GRXCR1: variants seen among roughly 807,000 people sequenced by gnomAD.
The protein encoded by GRXCR1 is glutaredoxin and cysteine rich domain containing 1, also known as glutaredoxin domain-containing cysteine-rich protein 1.
A neutral mutation model predicts 27.3 loss-of-function variants in GRXCR1; 27 were observed. The ratio of observed to expected loss-of-function variants is 0.99; its 90% confidence interval spans 0.73 to 1.37. The LOEUF is 1.37. GRXCR1 is among the 40% of genes most tolerant of loss of function. The pLI, the probability that GRXCR1 is intolerant of heterozygous loss-of-function variation, is 0.00. For missense variants in GRXCR1, 379 were observed against 354.4 expected, an observed-to-expected ratio of 1.07 and a Z score of -0.56; for synonymous variants, 122 against 131.1, an observed-to-expected ratio of 0.93 and a Z score of 0.47.
At chr4:42,987,222 T>TTTATATATTATA (rs1553943894) in intron 2 of GRXCR1, among the ~76,000 whole-genome samples, 21 of 100,594 alleles carry the variant, frequency 2.1e-4, no homozygotes, top group African/African-American at 8.0e-4. Flanking sequence ...TATATATATA[T>TTTATATATTATA]TATATATTAT....
chr4:42,909,347 TA>T (rs1284079689), intron 1 of GRXCR1, among the ~76,000 whole-genome samples: 1 of 152,080 alleles, frequency 6.6e-6, no homozygotes, highest in Non-Finnish European at 1.5e-5. Flanking sequence ...GACTACAAAT[TA>T]AGGCTCCCCC....
intron 1 of GRXCR1, among the ~76,000 whole-genome samples, chr4:42,897,356 T>G (rs914743664): frequency 6.6e-6 from 1 of 152,102 alleles, no homozygotes; most frequent in Non-Finnish European, 1.5e-5. Flanking sequence ...TAGAATATTG[T>G]ACTGTCATTT....
intron 2 of GRXCR1, among the ~76,000 whole-genome samples, chr4:43,000,087 A>G (rs557577137): frequency 6.6e-6 from 1 of 152,356 alleles, no homozygotes; most frequent in Admixed American, 6.5e-5. Flanking sequence ...GTAGTATGAT[A>G]AAATCTTGCA....
chr4:42,966,100 G>A (rs994106190), intron 2 of GRXCR1, among the ~76,000 whole-genome samples: 2 of 152,016 alleles, frequency 1.3e-5, no homozygotes, highest in African/African-American at 4.8e-5. Flanking sequence ...ACTCCACAGT[G>A]GGGGGCAGGG....
intron 1 of GRXCR1, among the ~76,000 whole-genome samples, chr4:42,919,824 A>G (rs116389651): frequency 2.8e-3 from 433 of 152,302 alleles, no homozygotes; most frequent in African/African-American, 9.2e-3. Flanking sequence ...GTAAATTTCT[A>G]TAATATAAAT....
At chr4:42,959,524 CTAA>C (rs1748082589) in intron 1 of GRXCR1, among the ~76,000 whole-genome samples, 1 of 151,640 alleles carries the variant, frequency 6.6e-6, no homozygotes, top group Non-Finnish European at 1.5e-5. Flanking sequence ...TCAAAATTTG[CTAA>C]AAGAATAGGT....
chr4:42,973,474 T>G (rs904993491), intron 2 of GRXCR1, among the ~76,000 whole-genome samples: 1 of 148,252 alleles, frequency 6.7e-6, no homozygotes, highest in South Asian at 2.1e-4. Flanking sequence ...TTGCCGATGT[T>G]TTTTTTTTCT....
intron 2 of GRXCR1, among the ~76,000 whole-genome samples, chr4:43,002,974 A>T (rs10019822): frequency 0.33 from 50,448 of 151,972 alleles, 8,650 homozygotes; most frequent in African/African-American, 0.41. Context: ...GCTATTCTCA[A>T]GATAGTGAGT....
intron 2 of GRXCR1, among the ~76,000 whole-genome samples, chr4:42,969,138 T>C (rs1012477824): frequency 3.3e-5 from 5 of 152,174 alleles, no homozygotes; most frequent in African/African-American, 1.2e-4. Context: ...ATTATAATTA[T>C]ATAAAATAAT....
At chr4:42,985,569 A>G (rs912013455) in intron 2 of GRXCR1, among the ~76,000 whole-genome samples, 1 of 152,086 alleles carries the variant, frequency 6.6e-6, no homozygotes, top group Non-Finnish European at 1.5e-5. Flanking sequence ...TTCTGTTTTT[A>G]TGAGCATAGA....
intron 1 of GRXCR1, among the ~76,000 whole-genome samples, chr4:42,918,501 T>A (rs1346895117): frequency 1.3e-5 from 2 of 152,110 alleles, no homozygotes; most frequent in African/African-American, 4.8e-5. Context: ...GAACATCCAC[T>A]TCTGCTGAAC....
chr4:43,023,759 A>C (rs190072667), intron 3 of GRXCR1, among the ~76,000 whole-genome samples: 1 of 152,360 alleles, frequency 6.6e-6, no homozygotes, highest in Non-Finnish European at 1.5e-5. Context: ...CTGAGGGAAT[A>C]AATAAATGAC....
At chr4:42,936,516 G>A (rs1359279095) in intron 1 of GRXCR1, among the ~76,000 whole-genome samples, 12 of 151,854 alleles carry the variant, frequency 7.9e-5, no homozygotes, top group African/African-American at 1.9e-4. Flanking sequence ...AACACCCAAC[G>A]TTTCCTATTA....
chr4:42,924,471 C>T (rs981534690), intron 1 of GRXCR1, among the ~76,000 whole-genome samples: 7 of 151,994 alleles, frequency 4.6e-5, no homozygotes, highest in Non-Finnish European at 7.4e-5. Context: ...TTACATAATC[C>T]GCCCAAGGTT....
At chr4:42,995,194 T>C (rs1388429798) in intron 2 of GRXCR1, among the ~76,000 whole-genome samples, 2 of 152,150 alleles carry the variant, frequency 1.3e-5, no homozygotes, top group Non-Finnish European at 2.9e-5. Flanking sequence ...TGTCCAGCGT[T>C]GGGGTTCACT....
rs746781544 is a variant in GRXCR1, at chr4:42,962,963, C to G, written c.456C>G (p.Thr152=). ...YTTCLRVVRT[T]FERCELVRKI... ...CCTGCCTTCGTGTGGTCCGGACAAC[C>G]TTTGAAAGATGTGAACTGGTTAGAA... Residue 152 remains threonine (T), a synonymous_variant, in exon 2 of 4, where the codon ACC becomes ACG. Coordinates refer to ENST00000399770, the MANE Select transcript of GRXCR1 (RefSeq NM_001080476.3). 2 of 1,612,670 alleles carry G rather than the reference C, an allele frequency of 1.2e-6. No homozygotes were observed. Among genetic ancestry groups the G allele is most frequent in the Non-Finnish European group, 1.7e-6 (2 of 1,179,136 alleles).
intron 1 of GRXCR1, among the ~76,000 whole-genome samples, chr4:42,934,982 G>A (rs1331038939): frequency 6.6e-6 from 1 of 151,940 alleles, no homozygotes; most frequent in Non-Finnish European, 1.5e-5. Context: ...TACAGTGGGG[G>A]TTCCATAACT....
intron 2 of GRXCR1, among the ~76,000 whole-genome samples, chr4:43,009,373 T>G (rs2075057845): frequency 6.6e-6 from 1 of 152,202 alleles, no homozygotes; most frequent in Admixed American, 6.6e-5. Flanking sequence ...ATTTTGGGTA[T>G]AAGAGTTCAT....
At chr4:42,951,041 A>T (rs2109769067) in intron 1 of GRXCR1, among the ~76,000 whole-genome samples, 1 of 152,290 alleles carries the variant, frequency 6.6e-6, no homozygotes, top group East Asian at 1.9e-4. Context: ...CAAGCTCAAG[A>T]TTCAGGAAAT....
Sources: gnomAD v4.1 joint callset for allele counts (sites outside exome capture counted in the v4.1 genomes callset) on GRCh38, gnomAD v4.1.1 for gene constraint, MANE v1.5 for transcripts, NCBI Gene and HGNC (gene_info 2026-07-23, HGNC 2026-07-21) for gene names.